GPD1: variants seen among roughly 807,000 people sequenced by gnomAD.
The protein encoded by GPD1 is glycerol-3-phosphate dehydrogenase [NAD(+)], cytoplasmic.
A neutral mutation model predicts 34.4 loss-of-function variants in GPD1; 19 were observed. That is an observed-to-expected ratio of 0.55 (90% CI 0.39 to 0.81). The LOEUF (loss-of-function observed/expected upper bound fraction) is 0.81, where lower values mean the gene tolerates loss of function less well. Ranked by LOEUF, GPD1 falls within the 30% of genes least tolerant of loss-of-function variation. The pLI, the probability that GPD1 is intolerant of heterozygous loss-of-function variation, is 0.00. For synonymous variants in GPD1, 172 were observed against 174.1 expected (o/e 0.99, Z 0.09); for missense variants, 429 against 447.0 (o/e 0.96, Z 0.36).
In GPD1 at chr12:50,104,730, G is replaced by A. The variant is rs1592300423; in HGVS notation, c.198G>A (p.Gly66=). Residue 66 remains glycine, a synonymous_variant, in exon 2 of 8, where the codon GGG becomes GGA. Coordinates refer to ENST00000301149, the MANE Select transcript of GPD1 (RefSeq NM_005276.4). ...ATGAGAATGTCAAATACCTGCCAGG[G>A]CACAAGTTGCCCCCAAATGTGGTGA... ...TQHENVKYLP[G]HKLPPNVVAV... The A allele has an allele frequency of 6.2e-7, 1 of 1,613,992 alleles. No individual in the cohort carries two copies. Among genetic ancestry groups the A allele is most frequent in the Non-Finnish European group, 8.5e-7 (1 of 1,179,894 alleles).
At chr12:50,104,869 G>C in intron 2 of GPD1, 118 bp downstream of exon 2, 1 of 812,974 alleles carries the variant, frequency 1.2e-6, no homozygotes, top group Middle Eastern at 3.6e-4. Context: ...GCAGGACTTG[G>C]GAAGGTCTCA....
At chr12:50,105,014 G>C in intron 2 of GPD1, 1 of 499,610 alleles carries the variant, frequency 2.0e-6, no homozygotes, top group Non-Finnish European at 3.6e-6. Context: ...TGGGCTCCCA[G>C]ACTTGGGGTC....
chr12:50,106,674 A>C, intron 4 of GPD1, 131 bp from the exon 5 acceptor site: 1 of 661,886 alleles, frequency 1.5e-6, no homozygotes, highest in Non-Finnish European at 2.6e-6. Flanking sequence ...TAAGAGGCTG[A>C]GGTGGGAGGA....
rs1316358896 is a variant in GPD1 at position 50,110,388 on chromosome 12, C to A, written c.*869C>A. ...TAACAGGCTCAGATCACTCAGCTCC[C>A]TGTGACCTTTGTATTCACCCAGGCT... is the stretch of plus-strand genomic sequence containing the variant. On this transcript the variant is annotated 3_prime_UTR_variant, in exon 8 of 8. Coordinates refer to ENST00000301149, the MANE Select transcript of GPD1 (RefSeq NM_005276.4). The A allele has an allele frequency of 1.3e-5, 2 of 152,898 alleles. No individual in the cohort carries two copies. The highest frequency in any genetic ancestry group is 4.8e-5 in the African/African-American group (2 of 41,456). The allele number at this position is 152,898 out of a possible 1,614,324, so 9.5% of individuals were successfully genotyped here.
At position 50,111,134 on chromosome 12, in the gene GPD1, C is replaced by T. The variant is rs1293106755; in HGVS notation, c.*1615C>T. 6.6e-6 allele frequency: 1 copy of T among 152,340 alleles called. No individual in the cohort carries two copies. The highest frequency in any genetic ancestry group is 1.5e-5 in the Non-Finnish European group (1 of 68,134). 9.4% of individuals were successfully genotyped at this position (152,340 alleles called of 1,614,324 possible). A position where few individuals can be genotyped will look rare whatever the true frequency, so the allele number is the denominator to read the frequency against. On this transcript the variant is annotated 3_prime_UTR_variant, in exon 8 of 8. Transcript: ENST00000301149. This position sits in a 1 kb window ranked among gnomAD's most constrained non-coding sequence, Gnocchi z 4.1. ...AGTGAGGGGCACAGTCACCCCAGGC[C>T]TTGCTGAGCCCAGGTCTGGGTACTG... is the stretch of plus-strand genomic sequence containing the variant.
Position 50,108,112 on chromosome 12 carries a change from A to T in GPD1, c.935A>T (p.His312Leu). ...TARELYSILQ[H>L]KGLVDKFPLF... ...CGGGAGCTATACAGCATCCTCCAGC[A>T]CAAGGGCCTGGTAGACAAGTAAGTA... is the stretch of plus-strand genomic sequence containing the variant. The change falls in exon 7 of 8, where the codon CAC becomes CTC. Residue 312 changes from histidine (H) to leucine (L), a missense_variant. Physicochemically the swap from His to Leu is moderately conservative, Grantham distance 99. Coordinates refer to ENST00000301149, the MANE Select transcript of GPD1 (RefSeq NM_005276.4). 6.2e-7 allele frequency: 1 copy of T among 1,605,424 alleles called. No individual in the cohort carries two copies.
rs1592303167 is a variant in GPD1, at chr12:50,107,965, A to C, written c.847-59A>C. 12 of 1,157,070 alleles carry C rather than the reference A, an allele frequency of 1.0e-5. No homozygotes were observed. In the South Asian group the frequency reaches 1.5e-4, roughly 15 times the overall value. The allele number at this position is 1,157,070 out of a possible 1,614,324, so 71.7% of individuals were successfully genotyped here. A position where few individuals can be genotyped will look rare whatever the true frequency, so the allele number is the denominator to read the frequency against. ...CTCCCATCTGAGCTCCAGTCTCTCC[A>C]CCCCCTACTGACAACCCTTCTCTCC... is the stretch of plus-strand genomic sequence containing the variant. On this transcript the variant is annotated intron_variant, in intron 6 of 7. Transcript: ENST00000301149.
Position 50,109,563 on chromosome 12 carries a change from A to G in GPD1, c.*44A>G, listed in dbSNP as rs1951008046. ...CCAGGCCGCTTTTTTACCCCAGTGG[A>G]GACCAGCAGAAGCCTGGGGTACCTA... On this transcript the variant is annotated 3_prime_UTR_variant, in exon 8 of 8. Coordinates refer to ENST00000301149, the MANE Select transcript of GPD1 (RefSeq NM_005276.4). The G allele has an allele frequency of 5.4e-6, 5 of 927,300 alleles. No individual in the cohort carries two copies. In the East Asian group the frequency reaches 1.2e-4, roughly 22 times the overall value. 57.4% of individuals were successfully genotyped at this position (927,300 alleles called of 1,614,324 possible). A position where few individuals can be genotyped will look rare whatever the true frequency, so the allele number is the denominator to read the frequency against.
At position 50,107,573 on chromosome 12, in the gene GPD1, G is replaced by A. The variant is rs1307267255; in HGVS notation, c.619G>A (p.Val207Met). ...TGACCTCCACTCCTTCAAGAATGTA[G>A]TGGCCGTGGGGGCTGGCTTCTGTGA... Reference protein sequence around the residue: ...VEICGALKNVVAVGAGFCDGL... With the variant: ...VEICGALKNVMAVGAGFCDGL... The change falls in exon 6 of 8, where the codon GTG becomes ATG. Residue 207 changes from valine to methionine, a missense_variant. Val to Met is a conservative substitution (Grantham distance 21). Coordinates refer to ENST00000301149, the MANE Select transcript of GPD1 (RefSeq NM_005276.4). 1.9e-6 allele frequency: 3 copies of A among 1,613,818 alleles called. No individual in the cohort carries two copies. In the East Asian group the frequency reaches 6.7e-5, roughly 36 times the overall value.
At position 50,109,551 on chromosome 12, in the gene GPD1, T is replaced by A. The variant is rs1160140852; in HGVS notation, c.*32T>A. On this transcript the variant is annotated 3_prime_UTR_variant, in exon 8 of 8. Transcript: ENST00000301149. ...CCAGGGCCCAGGCCAGGCCGCTTTT[T>A]TACCCCAGTGGAGACCAGCAGAAGC... The A allele has an allele frequency of 1.8e-6, 2 of 1,084,104 alleles. No individual in the cohort carries two copies. The highest frequency in any genetic ancestry group is 2.9e-6 in the Non-Finnish European group (2 of 695,266). 67.2% of individuals were successfully genotyped at this position (1,084,104 alleles called of 1,614,324 possible).
chr12:50,107,896 A>T, intron 6 of GPD1, 96 bp downstream of exon 6: 5 of 1,043,084 alleles, frequency 4.8e-6, no homozygotes, highest in Non-Finnish European at 7.5e-6. Flanking sequence ...AAACATTAAG[A>T]CTGTTGTGCA....
In GPD1 at chr12:50,108,148, C is replaced by A; in HGVS notation, c.953+18C>A. 7.2e-7 allele frequency: 1 copy of A among 1,388,004 alleles called. No individual in the cohort carries two copies. Among genetic ancestry groups the A allele is most frequent in the Non-Finnish European group, 1.0e-6 (1 of 978,854 alleles). 86.0% of individuals were successfully genotyped at this position (1,388,004 alleles called of 1,614,324 possible). On this transcript the variant is annotated intron_variant, in intron 7 of 7. Coordinates refer to ENST00000301149, the MANE Select transcript of GPD1 (RefSeq NM_005276.4). The stretch of plus-strand genomic sequence containing the variant: ...GTAGACAAGTAAGTATTGGCCACAG[C>A]CCCACTGATTAAGGGAGCCACAGCC...
At chr12:50,107,969 C>T (rs186637941) in intron 6 of GPD1, 55 bp from the exon 7 acceptor site, 20 of 1,194,480 alleles carry the variant, frequency 1.7e-5, no homozygotes, top group African/African-American at 1.0e-4. Flanking sequence ...CTCTCCACCC[C>T]CTACTGACAA....
chr12:50,104,735 A>G lies in GPD1; in HGVS notation c.203A>G (p.Lys68Arg). 1 of 1,613,980 alleles carries G rather than the reference A, an allele frequency of 6.2e-7. No individual in the cohort carries two copies. Among genetic ancestry groups the G allele is most frequent in the Admixed American group, 1.7e-5 (1 of 60,020 alleles). ...AATGTCAAATACCTGCCAGGGCACA[A>G]GTTGCCCCCAAATGTGGTGAGCCCC... Reference protein sequence around the residue: ...HENVKYLPGHKLPPNVVAVPD... With the variant: ...HENVKYLPGHRLPPNVVAVPD... Residue 68 changes from lysine to arginine, a missense_variant, in exon 2 of 8, where the codon AAG (lysine) becomes AGG (arginine). Lys to Arg is a conservative substitution (Grantham distance 26). Coordinates refer to ENST00000301149, the MANE Select transcript of GPD1 (RefSeq NM_005276.4).
At chr12:50,106,015 A>G (rs1730626314) in intron 3 of GPD1, 3 of 625,376 alleles carry the variant, frequency 4.8e-6, no homozygotes, top group Non-Finnish European at 8.7e-6. Flanking sequence ...TGGTCACTGA[A>G]TGGCAGTTTG....
rs775395407 is a variant in GPD1, at chr12:50,106,436, C to G, written c.499+10C>G. 3.1e-6 allele frequency: 5 copies of G among 1,612,642 alleles called. No individual in the cohort carries two copies. The African/African-American group carries it at 6.7e-5, about 22-fold the overall frequency. On this transcript the variant is annotated intron_variant, in intron 4 of 7. Coordinates refer to ENST00000301149, the MANE Select transcript of GPD1 (RefSeq NM_005276.4). ...TGTGAGACAACCATTGGTGAGAGCC[C>G]CCTGGCACCTGCATACACAGTGCAT... is the stretch of plus-strand genomic sequence containing the variant.
At chr12:50,107,879 G>GGAGCA (rs1565748063) in intron 6 of GPD1, 79 bp downstream of exon 6, 1 of 1,142,704 alleles carries the variant, frequency 8.8e-7, no homozygotes. Context: ...AGGCATCTCT[G>GGAGCA]GAGCACAAAC....
At position 50,104,692 on chromosome 12, in the gene GPD1, A is replaced by G. The variant is rs2232202; in HGVS notation, c.160A>G (p.Ile54Val). The change falls in exon 2 of 8, where the codon ATC (isoleucine) becomes GTC (valine). Residue 54 changes from isoleucine (I) to valine (V), a missense_variant. Ile to Val is a conservative substitution (Grantham distance 29). Coordinates refer to ENST00000301149, the MANE Select transcript of GPD1 (RefSeq NM_005276.4). ...TGGAGGCAAAAAGCTGACTGAGATC[A>G]TCAACACGCAGCATGAGAATGTCAA... ...DIGGKKLTEI[I>V]NTQHENVKYL... 3,721 of 1,613,684 alleles carry G rather than the reference A, an allele frequency of 2.3e-3. 80 individuals carry two copies. In the African/African-American group the frequency reaches 0.045, roughly 20 times the overall value.
chr12:50,111,112 G>A lies in GPD1; in HGVS notation c.*1593G>A, dbSNP rs954428351. ...GCTGCCCAGATCAGGCAGCAGGAGT[G>A]AGGGGCACAGTCACCCCAGGCCTTG... On this transcript the variant is annotated 3_prime_UTR_variant, in exon 8 of 8. Coordinates refer to ENST00000301149, the MANE Select transcript of GPD1 (RefSeq NM_005276.4). This position sits in a 1 kb window ranked among gnomAD's most constrained non-coding sequence, Gnocchi z 4.1. 1.3e-5 allele frequency: 2 copies of A among 152,410 alleles called. No homozygotes were observed. Among genetic ancestry groups the A allele is most frequent in the Non-Finnish European group, 1.5e-5 (1 of 68,198 alleles). The allele number at this position is 152,410 out of a possible 1,614,324, so 9.4% of individuals were successfully genotyped here.
Sources: allele counts gnomAD v4.1 joint callset, GRCh38; gene constraint gnomAD v4.1.1; non-coding constraint Gnocchi (gnomAD v3.1); transcripts MANE v1.5; gene names NCBI Gene and HGNC (gene_info 2026-07-23, HGNC 2026-07-21).